The following HNRNPA1L2 variants were observed in gnomAD, a reference collection of about 807,000 sequenced individuals.
The protein encoded by HNRNPA1L2 is heterogeneous nuclear ribonucleoprotein A1-like 2.
A neutral mutation model predicts 18.2 loss-of-function variants in HNRNPA1L2; 10 were observed. That is an observed-to-expected ratio of 0.55 (90% confidence interval 0.34 to 0.93). The LOEUF is 0.93. HNRNPA1L2 is among the 40% of genes least tolerant of loss of function. The pLI is 0.02. For synonymous variants in HNRNPA1L2, 124 were observed against 138.6 expected (o/e 0.89, Z 0.74); for missense variants, 308 against 394.4 (o/e 0.78, Z 1.85).
chr13:52,618,736 A>G, the HNRNPA1L2 span, among the ~76,000 whole-genome samples: 3 of 152,192 alleles, frequency 2.0e-5, no homozygotes, highest in Non-Finnish European at 2.9e-5. Flanking sequence ...AAAATGGAAA[A>G]TCAGTCTGAA....
the HNRNPA1L2 span, among the ~76,000 whole-genome samples, chr13:52,619,927 A>G: frequency 6.6e-6 from 1 of 150,630 alleles, no homozygotes; most frequent in East Asian, 1.9e-4. Context: ...CTCAAAAAAA[A>G]AAAAAAAAAA....
the HNRNPA1L2 span, among the ~76,000 whole-genome samples, chr13:52,631,797 C>G: frequency 6.6e-6 from 1 of 152,048 alleles, no homozygotes; most frequent in Non-Finnish European, 1.5e-5. Flanking sequence ...AGTTGATTAT[C>G]AAGTTTGCAA....
At chr13:52,628,148 A>C in the HNRNPA1L2 span, among the ~76,000 whole-genome samples, 1 of 152,214 alleles carries the variant, frequency 6.6e-6, no homozygotes, top group Non-Finnish European at 1.5e-5. Context: ...TATTTCGGGA[A>C]GTTAAAAGAA....
chr13:52,635,416 TAGAG>T, the HNRNPA1L2 span, among the ~76,000 whole-genome samples: 1 of 151,088 alleles, frequency 6.6e-6, no homozygotes, highest in Non-Finnish European at 1.5e-5. Context: ...AGCCAAGGGA[TAGAG>T]AGTGATATTC....
chr13:52,623,544 A>G, the HNRNPA1L2 span, among the ~76,000 whole-genome samples: 2 of 152,214 alleles, frequency 1.3e-5, no homozygotes, highest in African/African-American at 2.4e-5. Context: ...TTGGTCCTAC[A>G]TCAAAAGACT....
the HNRNPA1L2 span, chr13:52,632,420 A>G: frequency 6.6e-6 from 1 of 152,660 alleles, no homozygotes; most frequent in African/African-American, 2.4e-5. Flanking sequence ...TCTTTTTTTT[A>G]GGAAAAATAT....
In HNRNPA1L2 at chr13:52,642,487, G is replaced by C; in HGVS notation, c.-6G>C. 1 of 1,611,614 alleles carries C rather than the reference G, an allele frequency of 6.2e-7. No individual in the cohort carries two copies. The highest frequency in any genetic ancestry group is 8.5e-7 in the Non-Finnish European group (1 of 1,179,770). On this transcript the variant is annotated 5_prime_UTR_variant, in exon 1 of 1. Transcript: ENST00000357495. ...CATCGTTAAAGTCTCTCTTCACCTTGCCGTCATGTCTAAGTCAGCGTCTCC... is the reference window on the plus strand; with the variant it reads ...CATCGTTAAAGTCTCTCTTCACCTTCCCGTCATGTCTAAGTCAGCGTCTCC...
At chr13:52,633,516 C>T in the HNRNPA1L2 span, among the ~76,000 whole-genome samples, 9 of 152,026 alleles carry the variant, frequency 5.9e-5, no homozygotes, top group African/African-American at 1.4e-4. Flanking sequence ...GCATTTCTGA[C>T]GAATAGAAGT....
At chr13:52,637,400 G>C in the HNRNPA1L2 span, 1 of 246,570 alleles carries the variant, frequency 4.1e-6, no homozygotes, top group Non-Finnish European at 8.3e-6. Flanking sequence ...ACTGATCCAG[G>C]GGACAAAAGA....
At chr13:52,635,632 C>T in the HNRNPA1L2 span, among the ~76,000 whole-genome samples, 1 of 150,650 alleles carries the variant, frequency 6.6e-6, no homozygotes, top group Admixed American at 6.6e-5. Flanking sequence ...ACAATGCAGG[C>T]AACCACTGAT....
Position 52,643,170 on chromosome 13 carries a change from T to A in HNRNPA1L2, c.678T>A (p.Gly226=). The A allele has an allele frequency of 6.3e-7, 1 of 1,598,002 alleles. No homozygotes were observed. Residue 226 remains glycine, a synonymous_variant, in exon 1 of 1, where the codon GGT becomes GGA. Transcript: ENST00000357495. The part of the protein sequence containing the change: ...FGRGGNFSGR[G]GFGGSCGGGG... ...GTGGAGGAAACTTCAGTGGTCGTGG[T>A]GGCTTTGGTGGCAGCTGTGGTGGTG... is the stretch of plus-strand genomic sequence containing the variant.
the HNRNPA1L2 span, among the ~76,000 whole-genome samples, chr13:52,624,744 G>A: frequency 1.2e-4 from 19 of 152,172 alleles, no homozygotes; most frequent in Admixed American, 9.8e-4. Flanking sequence ...AAGTATTCTC[G>A]AGGGGCCTGG....
At chr13:52,627,893 AT>A in the HNRNPA1L2 span, among the ~76,000 whole-genome samples, 2 of 151,238 alleles carry the variant, frequency 1.3e-5, no homozygotes, top group African/African-American at 2.4e-5. Flanking sequence ...GAGAAAAGTA[AT>A]TTTTTTTTCA....
chr13:52,641,051 G>A (rs1404503162), upstream of HNRNPA1L2: 1 of 152,154 alleles, frequency 6.6e-6, no homozygotes, highest in Non-Finnish European at 1.5e-5. Flanking sequence ...TCTGAACAGG[G>A]TTTACAAGGA....
the HNRNPA1L2 span, among the ~76,000 whole-genome samples, chr13:52,626,309 A>G: frequency 6.6e-6 from 1 of 151,944 alleles, no homozygotes; most frequent in Non-Finnish European, 1.5e-5. Context: ...TGTCGCAAAT[A>G]GCCAGGTATG....
At chr13:52,631,553 G>C in the HNRNPA1L2 span, among the ~76,000 whole-genome samples, 2 of 152,288 alleles carry the variant, frequency 1.3e-5, no homozygotes, top group East Asian at 3.9e-4. Context: ...AAAAGCCTTT[G>C]TTTACAAATA....
chr13:52,632,120 T>TG, the HNRNPA1L2 span, among the ~76,000 whole-genome samples: 1 of 151,600 alleles, frequency 6.6e-6, no homozygotes, highest in Non-Finnish European at 1.5e-5. Context: ...TTTCACAACA[T>TG]GGAGTTTTTA....
chr13:52,638,772 T>A (rs1307608561), upstream of HNRNPA1L2, among the ~76,000 whole-genome samples: 2 of 152,212 alleles, frequency 1.3e-5, no homozygotes, highest in Non-Finnish European at 2.9e-5. Flanking sequence ...GACTAAGCAA[T>A]TTCTGAAAAC....
At position 52,642,525 on chromosome 13, in the gene HNRNPA1L2, A is replaced by T. The variant is rs1233355540; in HGVS notation, c.33A>T (p.Glu11Asp). ...AGTCAGCGTCTCCAAAAGAGCCCGAACAGCTGAGGAAGCTCTTCATTGGAG... is the reference window on the plus strand; with the variant it reads ...AGTCAGCGTCTCCAAAAGAGCCCGATCAGCTGAGGAAGCTCTTCATTGGAG... MSKSASPKEPEQLRKLFIGGL... is the reference protein window; with the variant it reads MSKSASPKEPDQLRKLFIGGL... The change falls in exon 1 of 1, where the codon GAA becomes GAT. Residue 11 changes from glutamate to aspartate, a missense_variant. Glu to Asp is a conservative substitution (Grantham distance 45). Transcript: ENST00000357495. 6.2e-7 allele frequency: 1 copy of T among 1,611,830 alleles called. No individual in the cohort carries two copies. Among genetic ancestry groups the T allele is most frequent in the African/African-American group, 1.3e-5 (1 of 74,834 alleles).
Sources: allele counts gnomAD v4.1 joint callset (sites outside exome capture counted in the v4.1 genomes callset), GRCh38; gene constraint gnomAD v4.1.1; transcripts MANE v1.5; gene names NCBI Gene and HGNC (gene_info 2026-07-23, HGNC 2026-07-21).